The following ISLR2 variants were observed in gnomAD, a reference collection of about 807,000 sequenced individuals.
The protein encoded by ISLR2 is immunoglobulin superfamily containing leucine-rich repeat protein 2.
In ISLR2, 16 loss-of-function variants were observed where a neutral mutation model predicts 25.5. That is an observed-to-expected ratio of 0.63 (90% CI 0.43 to 0.95). The LOEUF is 0.95. ISLR2 is among the 40% of genes least tolerant of loss of function. ISLR2 has a pLI of 0.00. For missense variants in ISLR2, 883 were observed against 1,030.7 expected, an observed-to-expected ratio of 0.86 and a Z score of 1.96; for synonymous variants, 508 against 486.6, an observed-to-expected ratio of 1.04 and a Z score of -0.58.
chr15:74,107,816 A>G (rs1468963154), intron 2 of ISLR2, among the ~76,000 whole-genome samples: 5 of 152,156 alleles, frequency 3.3e-5, no homozygotes, highest in Admixed American at 3.3e-4. Context: ...CTCTGGAGGC[A>G]GGGAGGTCGT....
At chr15:74,141,030 C>T (rs181710066), downstream of ISLR2, among the ~76,000 whole-genome samples, 19 of 152,232 alleles carry the variant, frequency 1.2e-4, no homozygotes, top group East Asian at 3.7e-3. Flanking sequence ...ATGATGGGCA[C>T]AAAAACAAAA....
intron 2 of ISLR2, among the ~76,000 whole-genome samples, chr15:74,113,511 A>C (rs1190825189): frequency 6.6e-6 from 1 of 151,408 alleles, no homozygotes; most frequent in Non-Finnish European, 1.5e-5. Flanking sequence ...GCTTTTTCAC[A>C]CATCTAGTAT....
Position 74,136,444 on chromosome 15 carries a change from C to G in ISLR2, c.*1452C>G, listed in dbSNP as rs1160881805. The stretch of plus-strand genomic sequence containing the variant: ...CGGTCCTCGCGTCGCCCCGCCCCAC[C>G]CGCCCCTGCTTCGGCGGGAATCGTG... On this transcript the variant is annotated 3_prime_UTR_variant, in exon 3 of 3. Transcript: ENST00000453268. 2 of 166,014 alleles carry G rather than the reference C, an allele frequency of 1.2e-5. No individual in the cohort carries two copies. The highest frequency in any genetic ancestry group is 2.9e-5 in the Non-Finnish European group (2 of 68,226). 10.3% of individuals were successfully genotyped at this position (166,014 alleles called of 1,614,324 possible). A position where few individuals can be genotyped will look rare whatever the true frequency, so the allele number is the denominator to read the frequency against.
Position 74,134,591 on chromosome 15 carries a change from T to G in ISLR2, c.1837T>G (p.Cys613Gly). Residue 613 changes from cysteine to glycine, a missense_variant, in exon 3 of 3, where the codon TGC (cysteine) becomes GGC (glycine). Cys to Gly is a radical substitution (Grantham distance 159). This residue lies in a region of ISLR2 where 612 missense variants were observed against 642.8 expected (regional missense o/e 0.95). Coordinates refer to ENST00000453268, the MANE Select transcript of ISLR2 (RefSeq NM_020851.3). ...LATVPLLGAA[C>G]CHLLAKHPGK... ...CACAGTGCCCCTTCTGGGCGCCGCC[T>G]GCTGCCATCTGCTGGCTAAACACCC... is the stretch of plus-strand genomic sequence containing the variant. The G allele has an allele frequency of 6.2e-7, 1 of 1,614,070 alleles. No homozygotes were observed. Among genetic ancestry groups the G allele is most frequent in the Non-Finnish European group, 8.5e-7 (1 of 1,180,008 alleles).
chr15:74,112,164 C>T (rs974718106), intron 2 of ISLR2, among the ~76,000 whole-genome samples: 1 of 152,140 alleles, frequency 6.6e-6, no homozygotes. Context: ...AAACCTTTGA[C>T]ACATTGGATG....
At chr15:74,122,815 G>A (rs1474367170) in intron 2 of ISLR2, among the ~76,000 whole-genome samples, 4 of 152,156 alleles carry the variant, frequency 2.6e-5, no homozygotes, top group Non-Finnish European at 2.9e-5. Flanking sequence ...AAGGCCCTGC[G>A]CAGCCCCCCA....
Position 74,132,703 on chromosome 15 carries a change from C to G in ISLR2, c.-8-44C>G. ...TTGATAGGGGAGGTAAGCTGGGGTT[C>G]AGTGAGTCACCTTCTTTCTTCTTCA... is the stretch of plus-strand genomic sequence containing the variant. On this transcript the variant is annotated intron_variant, in intron 2 of 2. Coordinates refer to ENST00000453268, the MANE Select transcript of ISLR2 (RefSeq NM_020851.3). The surrounding 1 kb of genome is among the most constrained non-coding windows in gnomAD (Gnocchi z 4.3). 1 of 1,576,320 alleles carries G rather than the reference C, an allele frequency of 6.3e-7. No homozygotes were observed. Among genetic ancestry groups the G allele is most frequent in the Non-Finnish European group, 8.6e-7 (1 of 1,159,074 alleles).
upstream of ISLR2, among the ~76,000 whole-genome samples, chr15:74,123,571 C>T (rs1267086205): frequency 6.6e-6 from 1 of 152,204 alleles, no homozygotes; most frequent in Non-Finnish European, 1.5e-5. Flanking sequence ...GCTCCAAGCC[C>T]AGTGTGGTCT....
chr15:74,134,882 C>A lies in ISLR2; in HGVS notation c.2128C>A (p.Gln710Lys). 1 of 1,614,140 alleles carries A rather than the reference C, an allele frequency of 6.2e-7. No homozygotes were observed. Among genetic ancestry groups the A allele is most frequent in the Non-Finnish European group, 8.5e-7 (1 of 1,180,020 alleles). The change falls in exon 3 of 3, where the codon CAA becomes AAA. Residue 710 changes from glutamine (Q) to lysine (K), a missense_variant. Transcript: ENST00000453268. ...SLVESQSKAN[Q>K]EEFEAGSEYS... is the part of the protein sequence containing the mutation. ...GGTGGAGTCCCAGTCCAAGGCCAAC[C>A]AAGAGGAGTTCGAGGCGGGCTCTGA...
At chr15:74,115,236 G>A (rs919185185) in intron 2 of ISLR2, among the ~76,000 whole-genome samples, 1 of 152,188 alleles carries the variant, frequency 6.6e-6, no homozygotes, top group African/African-American at 2.4e-5. Flanking sequence ...CTGGAGTAAA[G>A]GCTTCTCTGA....
At chr15:74,129,228 C>T (rs1291267221), upstream of ISLR2, 13 of 360,480 alleles carry the variant, frequency 3.6e-5, no homozygotes, top group Admixed American at 2.3e-4. This position sits in a 1 kb window ranked among gnomAD's most constrained non-coding sequence, Gnocchi z 4.5. Flanking sequence ...GAGGGAGGGA[C>T]GCTTGGAGTG....
chr15:74,129,603 GC>G (rs2072360044), upstream of ISLR2: 2 of 152,694 alleles, frequency 1.3e-5, no homozygotes, highest in Admixed American at 1.3e-4. The surrounding 1 kb of genome is among the most constrained non-coding windows in gnomAD (Gnocchi z 4.5). Flanking sequence ...CCGGGTTTTA[GC>G]CAAATGCCTC....
At chr15:74,121,363 A>G (rs1021046848) in intron 2 of ISLR2, among the ~76,000 whole-genome samples, 1 of 152,018 alleles carries the variant, frequency 6.6e-6, no homozygotes, top group African/African-American at 2.4e-5. Flanking sequence ...GCACGGGGTC[A>G]CTCTTCATAG....
At chr15:74,111,586 G>C (rs1426513492) in intron 2 of ISLR2, among the ~76,000 whole-genome samples, 1 of 149,164 alleles carries the variant, frequency 6.7e-6, no homozygotes. Flanking sequence ...ACCATGCCAG[G>C]CCTCTATTCA....
intron 2 of ISLR2, among the ~76,000 whole-genome samples, chr15:74,120,066 T>C (rs1334882159): frequency 6.6e-6 from 1 of 152,200 alleles, no homozygotes; most frequent in Non-Finnish European, 1.5e-5. Flanking sequence ...ATATTCACAC[T>C]GTGCCAGGGC....
At chr15:74,137,044 G>T (rs2072577136), downstream of ISLR2, among the ~76,000 whole-genome samples, 1 of 152,218 alleles carries the variant, frequency 6.6e-6, no homozygotes, top group South Asian at 2.1e-4. Flanking sequence ...GTAGGGGGAG[G>T]TTGCAGGAAA....
upstream of ISLR2, among the ~76,000 whole-genome samples, chr15:74,124,192 A>G (rs906217653): frequency 6.6e-6 from 1 of 150,584 alleles, no homozygotes; most frequent in Non-Finnish European, 1.5e-5. Flanking sequence ...TCTCATTTCA[A>G]TTCATTTTGA....
At position 74,134,646 on chromosome 15, in the gene ISLR2, C is replaced by G; in HGVS notation, c.1892C>G (p.Pro631Arg). ...AAGCCCTACCGTCTGATCCTGCGGC[C>G]TCAGGCCCCTGACCCTATGGAGAAG... ...PGKPYRLILR[P>R]QAPDPMEKRI... Residue 631 changes from proline (P) to arginine (R), a missense_variant, in exon 3 of 3, where the codon CCT becomes CGT. Pro to Arg is a moderately radical substitution (Grantham distance 103). Coordinates refer to ENST00000453268, the MANE Select transcript of ISLR2 (RefSeq NM_020851.3). 1 of 1,614,176 alleles carries G rather than the reference C, an allele frequency of 6.2e-7. No individual in the cohort carries two copies. The highest frequency in any genetic ancestry group is 8.5e-7 in the Non-Finnish European group (1 of 1,180,030).
At chr15:74,110,406 A>C (rs951245954) in intron 2 of ISLR2, among the ~76,000 whole-genome samples, 3 of 152,256 alleles carry the variant, frequency 2.0e-5, no homozygotes, top group Non-Finnish European at 4.4e-5. Flanking sequence ...AAAAACTCAT[A>C]CATGATTGTT....
Sources: gnomAD v4.1 joint callset for allele counts (sites outside exome capture counted in the v4.1 genomes callset) on GRCh38, gnomAD v4.1.1 for gene constraint, gnomAD v4.1.1 regional missense constraint, Gnocchi (gnomAD v3.1) non-coding constraint, MANE v1.5 for transcripts, NCBI Gene and HGNC (gene_info 2026-07-23, HGNC 2026-07-21) for gene names.